Variants in DLGAP2 observed in about 807,000 individuals in gnomAD.
DLGAP2 encodes the protein DLG associated protein 2.
In DLGAP2, 26 loss-of-function variants were observed where a neutral mutation model predicts 100.3. The ratio of observed to expected loss-of-function variants is 0.26; its 90% confidence interval spans 0.19 to 0.36. The LOEUF (loss-of-function observed/expected upper bound fraction) is 0.36, where lower values mean the gene tolerates loss of function less well. Among genes scored for constraint, DLGAP2 ranks in the 10% least tolerant of loss-of-function variants. DLGAP2 has a pLI of 1.00. For missense variants in DLGAP2, 1,858 were observed against 1,453.2 expected (o/e 1.28, Z -4.53); for synonymous variants, 886 against 630.1 (o/e 1.41, Z -6.08).
chr8:1,521,952 T>C (rs1033875236), intron 4 of DLGAP2, among the ~76,000 whole-genome samples: 1 of 147,372 alleles, frequency 6.8e-6, no homozygotes, highest in Non-Finnish European at 1.5e-5. Context: ...TAATTTGGAA[T>C]ACTCGGCAGC....
At chr8:1,549,833 C>A in intron 5 of DLGAP2, 150 bp downstream of exon 5, 1 of 950,000 alleles carries the variant, frequency 1.1e-6, no homozygotes, top group Non-Finnish European at 1.5e-6. Context: ...GGGACAGCTC[C>A]ACTGAGCTGT....
At chr8:752,416 C>T (rs570424219) in intron 1 of DLGAP2, among the ~76,000 whole-genome samples, 3 of 152,286 alleles carry the variant, frequency 2.0e-5, no homozygotes, top group Admixed American at 6.5e-5. Context: ...TGGTCTTGCC[C>T]GCCGGAGAGC....
chr8:887,392 T>A (rs1027164249), intron 1 of DLGAP2, among the ~76,000 whole-genome samples: 4 of 152,224 alleles, frequency 2.6e-5, no homozygotes, highest in Non-Finnish European at 5.9e-5. Flanking sequence ...AGTATTGTTA[T>A]GTATGAATTT....
chr8:936,079 G>T (rs979936865), intron 2 of DLGAP2, among the ~76,000 whole-genome samples: 1 of 152,140 alleles, frequency 6.6e-6, no homozygotes, highest in Non-Finnish European at 1.5e-5. Context: ...AGCACGTTGT[G>T]GGTTGAGCTG....
intron 3 of DLGAP2, among the ~76,000 whole-genome samples, chr8:1,292,478 T>A (rs1339762332): frequency 2.0e-5 from 3 of 152,204 alleles, no homozygotes; most frequent in Non-Finnish European, 4.4e-5. Context: ...ACTTCTCAGG[T>A]GAAGAAACAG....
At chr8:977,548 AT>A (rs559553035) in intron 2 of DLGAP2, among the ~76,000 whole-genome samples, 67 of 152,298 alleles carry the variant, frequency 4.4e-4, no homozygotes, top group African/African-American at 1.5e-3. Flanking sequence ...TTGGGTACTT[AT>A]TTTTGAACTC....
At chr8:1,123,860 G>C (rs1796105499) in intron 2 of DLGAP2, among the ~76,000 whole-genome samples, 2 of 151,892 alleles carry the variant, frequency 1.3e-5, no homozygotes, top group African/African-American at 4.8e-5. Flanking sequence ...ATTCTTTCCT[G>C]TTTGCCTAAA....
chr8:1,289,704 C>T (rs943378694), intron 3 of DLGAP2, among the ~76,000 whole-genome samples: 1 of 152,146 alleles, frequency 6.6e-6, no homozygotes, highest in African/African-American at 2.4e-5. Flanking sequence ...AGAAGTACCC[C>T]CCCGAGGCTA....
chr8:1,289,724 G>C (rs1800018089), intron 3 of DLGAP2, among the ~76,000 whole-genome samples: 1 of 152,200 alleles, frequency 6.6e-6, no homozygotes, highest in Admixed American at 6.5e-5. Context: ...AATGTTGTGA[G>C]ACTGTGCAAC....
chr8:1,329,092 C>T (rs1253828618), intron 3 of DLGAP2, among the ~76,000 whole-genome samples: 2 of 152,166 alleles, frequency 1.3e-5, no homozygotes, highest in African/African-American at 2.4e-5. Flanking sequence ...AAGCGACAAG[C>T]GACGAGTGGG....
intron 6 of DLGAP2, among the ~76,000 whole-genome samples, chr8:1,595,125 C>G (rs900839820): frequency 6.6e-6 from 1 of 152,178 alleles, no homozygotes; most frequent in African/African-American, 2.4e-5. Context: ...ACTGCAGCCT[C>G]AACCTCCCGG....
intron 2 of DLGAP2, among the ~76,000 whole-genome samples, chr8:1,194,283 C>G (rs922356214): frequency 1.3e-5 from 2 of 152,104 alleles, no homozygotes; most frequent in Non-Finnish European, 2.9e-5. Flanking sequence ...GAGAGTGAAC[C>G]TGCAAGAGAC....
chr8:1,104,912 C>A (rs1045559754), intron 2 of DLGAP2: 2 of 152,254 alleles, frequency 1.3e-5, no homozygotes, highest in African/African-American at 2.4e-5. Flanking sequence ...CAGCTTCCTT[C>A]TTAGCAGAGG....
intron 3 of DLGAP2, among the ~76,000 whole-genome samples, chr8:1,481,471 CTTTTT>C (rs1165790168): frequency 0.088 from 3,839 of 43,504 alleles, 200 homozygotes; most frequent in African/African-American, 0.25. Flanking sequence ...TTTTCTTTTT[CTTTTT>C]TTTTTTTTTT....
intron 2 of DLGAP2, among the ~76,000 whole-genome samples, chr8:1,132,687 G>A (rs1345260181): frequency 2.0e-5 from 3 of 152,332 alleles, no homozygotes; most frequent in Admixed American, 6.5e-5. Context: ...GGCAGCTGCC[G>A]CTCTAATCCT....
At chr8:820,133 C>T (rs1263465230) in intron 1 of DLGAP2, among the ~76,000 whole-genome samples, 1 of 152,214 alleles carries the variant, frequency 6.6e-6, no homozygotes, top group Non-Finnish European at 1.5e-5. Context: ...ATGGATTCTT[C>T]AGTAAATTTG....
chr8:796,687 C>G (rs1319247829), intron 1 of DLGAP2, among the ~76,000 whole-genome samples: 3 of 152,210 alleles, frequency 2.0e-5, no homozygotes, highest in Admixed American at 6.5e-5. Flanking sequence ...CCTATTTAAA[C>G]TCCCCTGCTG....
rs187398862 is a variant in DLGAP2 at position 1,676,515 on chromosome 8, C to A, written c.2203-18C>A. 1 of 1,608,700 alleles carries A rather than the reference C, an allele frequency of 6.2e-7. No homozygotes were observed. Among genetic ancestry groups the A allele is most frequent in the South Asian group, 1.1e-5 (1 of 89,840 alleles). ...CCCATGTTTCAGTTCTAAAATAAGA[C>A]GTTCTCTGTTGAATTAGGTGGAAAC... On this transcript the variant is annotated intron_variant, in intron 10 of 14. Transcript: ENST00000637795.
chr8:1,029,376 G>T (rs1310761741), intron 2 of DLGAP2, among the ~76,000 whole-genome samples: 1 of 152,188 alleles, frequency 6.6e-6, no homozygotes, highest in Non-Finnish European at 1.5e-5. Context: ...GAGGAAAGTG[G>T]GCAAAGAGTG....
Sources: allele counts gnomAD v4.1 joint callset (sites outside exome capture counted in the v4.1 genomes callset), GRCh38; gene constraint gnomAD v4.1.1; transcripts MANE v1.5; gene names NCBI Gene and HGNC (gene_info 2026-07-23, HGNC 2026-07-21).